Variants in NSG2 observed in about 807,000 individuals in gnomAD.
NSG2 encodes neuronal vesicle trafficking associated 2.
Under a neutral mutation model 16.9 loss-of-function variants are expected in NSG2, and 4 were observed. The observed-to-expected ratio is 0.24, with a 90% CI of 0.12 to 0.54. The LOEUF (loss-of-function observed/expected upper bound fraction) is 0.54. Among genes scored for constraint, NSG2 ranks in the 20% least tolerant of loss-of-function variants. The pLI is 0.95. For missense variants in NSG2, 179 were observed against 221.1 expected, an observed-to-expected ratio of 0.81 and a Z score of 1.21; for synonymous variants, 98 against 88.7, an observed-to-expected ratio of 1.11 and a Z score of -0.59.
intron 2 of NSG2, among the ~76,000 whole-genome samples, chr5:174,063,518 T>TTTATA (rs1182311174): frequency 2.1e-5 from 3 of 143,938 alleles, no homozygotes; most frequent in African/African-American, 7.7e-5. Context: ...TCATCATAAC[T>TTTATA]TTCTATTTTA....
intron 3 of NSG2, among the ~76,000 whole-genome samples, chr5:174,076,735 G>C (rs184401054): frequency 1.1e-4 from 16 of 152,232 alleles, no homozygotes; most frequent in African/African-American, 3.6e-4. Flanking sequence ...GAGGACACTT[G>C]GCAATATCTG....
In NSG2 at chr5:174,077,701, G is replaced by A. The variant is rs969353872; in HGVS notation, c.213+13386G>A. On this transcript the variant is annotated intron_variant, in intron 3 of 4. Transcript: ENST00000303177. ...TTTCTGGGACTTTAATCACTGGGCA[G>A]AATTGGTCATCTTTCCCTCCTTCAT... is the stretch of plus-strand genomic sequence containing the variant. Among the ~76,000 whole-genome samples, 13 of 152,120 alleles carry A rather than the reference G, an allele frequency of 8.5e-5. No homozygotes were observed. In the South Asian group the frequency reaches 1.5e-3, roughly 17 times the overall value.
chr5:174,088,970 G>C (rs1470286585), intron 3 of NSG2, among the ~76,000 whole-genome samples: 1 of 152,186 alleles, frequency 6.6e-6, no homozygotes, highest in Non-Finnish European at 1.5e-5. Context: ...TGGGCTTTGA[G>C]GGCAGACTTG....
At chr5:174,102,751 TTTTTTTA>T (rs1419691657) in intron 3 of NSG2, among the ~76,000 whole-genome samples, 1 of 81,868 alleles carries the variant, frequency 1.2e-5, no homozygotes, top group East Asian at 2.3e-4. Context: ...CATGCTTTGT[TTTTTTTA>T]TTTATTTATT....
At chr5:174,066,247 C>T (rs1189498321) in intron 3 of NSG2, 1 of 456,144 alleles carries the variant, frequency 2.2e-6, no homozygotes, top group Admixed American at 2.3e-5. Flanking sequence ...GACCAAGACC[C>T]AGCTGCGTAC....
intron 2 of NSG2, among the ~76,000 whole-genome samples, chr5:174,051,344 C>G (rs1230351269): frequency 6.6e-6 from 1 of 152,120 alleles, no homozygotes; most frequent in African/African-American, 2.4e-5. Context: ...CCAGGATGTT[C>G]CATGCCTTCA....
chr5:174,073,163 C>T (rs2113445779), intron 3 of NSG2, among the ~76,000 whole-genome samples: 2 of 152,320 alleles, frequency 1.3e-5, no homozygotes, highest in South Asian at 4.1e-4. Flanking sequence ...GATAACACAT[C>T]CTCATAACTC....
At chr5:174,089,740 GA>G (rs1243684479) in intron 3 of NSG2, among the ~76,000 whole-genome samples, 1 of 152,094 alleles carries the variant, frequency 6.6e-6, no homozygotes, top group Non-Finnish European at 1.5e-5. Context: ...TCAGCCTCCT[GA>G]GTAGCTGGGA....
At chr5:174,087,022 C>T (rs1760636965) in intron 3 of NSG2, among the ~76,000 whole-genome samples, 1 of 152,202 alleles carries the variant, frequency 6.6e-6, no homozygotes, top group Admixed American at 6.5e-5. Flanking sequence ...CCTCCTTCTT[C>T]CCATGGGGAG....
Position 174,107,600 on chromosome 5 carries a change from G to A in NSG2, c.*95G>A. On this transcript the variant is annotated 3_prime_UTR_variant, in exon 5 of 5. Transcript: ENST00000303177. The surrounding 1 kb of genome is among the most constrained non-coding windows in gnomAD (Gnocchi z 4.5). ...TTACAAGACAACACTGTACTCCTGG[G>A]ATATGGGGGCGGGGGCGGGGCAGGG... The A allele has an allele frequency of 3.5e-6, 2 of 576,412 alleles. No individual in the cohort carries two copies. The highest frequency in any genetic ancestry group is 6.0e-6 in the Non-Finnish European group (2 of 334,912). The allele number at this position is 576,412 out of a possible 1,614,324, so 35.7% of individuals were successfully genotyped here.
At chr5:174,067,163 T>C (rs1760155975) in intron 3 of NSG2, among the ~76,000 whole-genome samples, 1 of 152,206 alleles carries the variant, frequency 6.6e-6, no homozygotes, top group Non-Finnish European at 1.5e-5. Context: ...AAATGCTGTC[T>C]ATGGCTGTGT....
chr5:174,074,541 A>G (rs1401157128), intron 3 of NSG2, among the ~76,000 whole-genome samples: 1 of 151,978 alleles, frequency 6.6e-6, no homozygotes, highest in Non-Finnish European at 1.5e-5. Context: ...TTCACGCAAT[A>G]TGAGAAAAAC....
chr5:174,067,383 G>A (rs1337553201), intron 3 of NSG2, among the ~76,000 whole-genome samples: 1 of 152,176 alleles, frequency 6.6e-6, no homozygotes, highest in East Asian at 1.9e-4. Flanking sequence ...GTAACTGCTG[G>A]GTAGAACAGA....
rs986070627 is a variant in NSG2, at chr5:174,072,595, C to T, written c.213+8280C>T. 6.6e-6 allele frequency among the ~76,000 whole-genome samples: 1 copy of T among 152,248 alleles called. No homozygotes were observed. Among genetic ancestry groups the T allele is most frequent in the African/African-American group, 2.4e-5 (1 of 41,472 alleles). Reference sequence around the variant, plus strand: ...GGCATCAGTGAGTTACCTACTAGGTCTCCTGCTGACTGGACCAGGAGCTCT... The same window carrying T: ...GGCATCAGTGAGTTACCTACTAGGTTTCCTGCTGACTGGACCAGGAGCTCT... On this transcript the variant is annotated intron_variant, in intron 3 of 4. Transcript: ENST00000303177. The surrounding 1 kb of genome is among the most constrained non-coding windows in gnomAD (Gnocchi z 4.0).
intron 2 of NSG2, among the ~76,000 whole-genome samples, chr5:174,060,176 T>C (rs1760026674): frequency 6.6e-6 from 1 of 152,218 alleles, no homozygotes; most frequent in Admixed American, 6.5e-5. Flanking sequence ...ATATTGCCTG[T>C]AATGATTATT....
At chr5:174,081,157 G>A (rs982910188) in intron 3 of NSG2, among the ~76,000 whole-genome samples, 1 of 148,896 alleles carries the variant, frequency 6.7e-6, no homozygotes, top group African/African-American at 2.4e-5. Context: ...GATTCTTTAT[G>A]TTTATAAGGA....
chr5:174,069,765 GA>G (rs1313224333), intron 3 of NSG2, among the ~76,000 whole-genome samples: 4 of 152,038 alleles, frequency 2.6e-5, no homozygotes, highest in African/African-American at 9.7e-5. Flanking sequence ...GGAGAACCTG[GA>G]GGAACATTTC....
rs1233482737 is a variant in NSG2 at position 174,072,784 on chromosome 5, G to A, written c.213+8469G>A. Among the ~76,000 whole-genome samples the A allele has an allele frequency of 6.6e-6, 1 of 152,212 alleles. No individual in the cohort carries two copies. Among genetic ancestry groups the A allele is most frequent in the Non-Finnish European group, 1.5e-5 (1 of 68,044 alleles). ...GGATTGCTTGAACCCAGGAGTTTGA[G>A]ACCAGCCTGGGCAACATGGCAAAAC... On this transcript the variant is annotated intron_variant, in intron 3 of 4. Transcript: ENST00000303177. This position sits in a 1 kb window ranked among gnomAD's most constrained non-coding sequence, Gnocchi z 4.0.
In NSG2 at chr5:174,046,707, T is replaced by C. The variant is rs753343538; in HGVS notation, c.-22-27T>C. The stretch of plus-strand genomic sequence containing the variant: ...TCTCTTTCTGCCTCACCTCCTGCTG[T>C]AACCAGAATCCCACTGCTTGCCTTA... On this transcript the variant is annotated intron_variant, in intron 1 of 4. Coordinates refer to ENST00000303177, the MANE Select transcript of NSG2 (RefSeq NM_015980.5). 22 of 1,611,812 alleles carry C rather than the reference T, an allele frequency of 1.4e-5. No homozygotes were observed. The East Asian group carries it at 4.9e-4, about 36-fold the overall frequency.
Sources: gnomAD v4.1 joint callset for allele counts (sites outside exome capture counted in the v4.1 genomes callset) on GRCh38, gnomAD v4.1.1 for gene constraint, Gnocchi (gnomAD v3.1) non-coding constraint, MANE v1.5 for transcripts, NCBI Gene and HGNC (gene_info 2026-07-23, HGNC 2026-07-21) for gene names.